Variants in COL23A1 observed in about 807,000 individuals in gnomAD.
The protein encoded by COL23A1 is collagen alpha-1(XXIII) chain.
COL23A1 carries 97 observed loss-of-function variants against 99.3 expected under a neutral mutation model. That is an observed-to-expected ratio of 0.98 (90% CI 0.83 to 1.16). The LOEUF (loss-of-function observed/expected upper bound fraction) is 1.16, where lower values mean the gene tolerates loss of function less well. Ranked by LOEUF, COL23A1 falls within the 50% of genes most tolerant of loss-of-function variation. COL23A1 has a pLI of 0.00. For missense variants in COL23A1, 762 were observed against 757.4 expected (o/e 1.01, Z -0.07); for synonymous variants, 320 against 308.2 (o/e 1.04, Z -0.40).
intron 3 of COL23A1, among the ~76,000 whole-genome samples, chr5:178,303,620 G>T (rs1383643569): frequency 6.6e-6 from 1 of 152,228 alleles, no homozygotes; most frequent in African/African-American, 2.4e-5. Context: ...AAGGCTAGCA[G>T]CTGCGGAGAC....
chr5:178,453,315 C>T (rs556838859), intron 2 of COL23A1, among the ~76,000 whole-genome samples: 59 of 152,344 alleles, frequency 3.9e-4, no homozygotes, highest in African/African-American at 1.4e-3. Flanking sequence ...GCAGCCTACT[C>T]TAGCCCCGTG....
intron 2 of COL23A1, among the ~76,000 whole-genome samples, chr5:178,519,560 A>T (rs2128004208): frequency 6.6e-6 from 1 of 152,334 alleles, no homozygotes; most frequent in South Asian, 2.1e-4. Context: ...AGAAGCCAGA[A>T]ATCATGATTT....
chr5:178,508,218 C>T lies in COL23A1; in HGVS notation c.361+52464G>A, dbSNP rs905902028. Reference sequence around the variant, plus strand: ...GCCCTCATTTTGTTTGTATCTTTTCCATTTCTGTATTAAGACTCTATTCTT... The same window carrying T: ...GCCCTCATTTTGTTTGTATCTTTTCTATTTCTGTATTAAGACTCTATTCTT... On this transcript the variant is annotated intron_variant, in intron 2 of 28. Coordinates refer to ENST00000390654, the MANE Select transcript of COL23A1 (RefSeq NM_173465.4). 1.3e-5 allele frequency among the ~76,000 whole-genome samples: 2 copies of T among 152,034 alleles called. 1 individual carries two copies. Among genetic ancestry groups the T allele is most frequent in the Admixed American group, 1.3e-4 (2 of 15,256 alleles).
intron 1 of COL23A1, among the ~76,000 whole-genome samples, chr5:178,566,759 T>C (rs923993780): frequency 6.6e-6 from 1 of 151,734 alleles, no homozygotes; most frequent in Non-Finnish European, 1.5e-5. Flanking sequence ...AAGGTTGCAG[T>C]GAGCCAAGAT....
chr5:178,443,288 C>T lies in COL23A1; in HGVS notation c.361+117394G>A, dbSNP rs140217506. 5.3e-5 allele frequency among the ~76,000 whole-genome samples: 8 copies of T among 152,320 alleles called. No homozygotes were observed. In the East Asian group the frequency reaches 9.6e-4, roughly 18 times the overall value. On this transcript the variant is annotated intron_variant, in intron 2 of 28. Coordinates refer to ENST00000390654, the MANE Select transcript of COL23A1 (RefSeq NM_173465.4). ...CAGAGCCTCGAGCGCTCTTCCTAAC[C>T]GGATCCGAACGACTTCTACTCTGGA...
chr5:178,324,406 T>A (rs924681975), intron 2 of COL23A1, among the ~76,000 whole-genome samples: 5 of 152,114 alleles, frequency 3.3e-5, no homozygotes, highest in African/African-American at 1.2e-4. Context: ...ATGGCTGGAG[T>A]CAAGTTGTGA....
chr5:178,373,806 T>C (rs1762925898), intron 2 of COL23A1, among the ~76,000 whole-genome samples: 1 of 152,156 alleles, frequency 6.6e-6, no homozygotes, highest in South Asian at 2.1e-4. Flanking sequence ...TTTCCTCCCA[T>C]CCTCGTCCCA....
chr5:178,354,571 C>A (rs1353967165), intron 2 of COL23A1, among the ~76,000 whole-genome samples: 1 of 152,056 alleles, frequency 6.6e-6, no homozygotes, highest in African/African-American at 2.4e-5. Flanking sequence ...TGACTGAGTT[C>A]TCGTGCGATC....
chr5:178,498,319 AG>A (rs1758344556), intron 2 of COL23A1, among the ~76,000 whole-genome samples: 1 of 148,452 alleles, frequency 6.7e-6, no homozygotes, highest in Non-Finnish European at 1.5e-5. Flanking sequence ...TTACCTTTAA[AG>A]GCATGACTAT....
chr5:178,420,393 CCCTCCCCTCCCTG>C (rs1765548026), intron 2 of COL23A1, among the ~76,000 whole-genome samples: 2 of 101,060 alleles, frequency 2.0e-5, no homozygotes, highest in African/African-American at 4.4e-5. Flanking sequence ...CCCCCTTTCC[CCCTCCCCTCCCTG>C]AGATGTGACC....
intron 5 of COL23A1, among the ~76,000 whole-genome samples, chr5:178,273,655 A>G (rs940005438): frequency 6.6e-6 from 1 of 152,340 alleles, no homozygotes; most frequent in South Asian, 2.1e-4. Flanking sequence ...AAACTGACAC[A>G]GCAGACGGGG....
intron 3 of COL23A1, among the ~76,000 whole-genome samples, chr5:178,296,912 C>T (rs999226831): frequency 5.9e-5 from 9 of 152,182 alleles, no homozygotes; most frequent in Admixed American, 1.3e-4. Context: ...CCTCCTAATC[C>T]GACTCCTCCT....
Position 178,416,850 on chromosome 5 carries a change from G to A in COL23A1, c.362-109931C>T, listed in dbSNP as rs1451834379. On this transcript the variant is annotated intron_variant, in intron 2 of 28. Transcript: ENST00000390654. ...CATTCTCAGATGGAGAGCATAGCAG[G>A]GAGGAGCTGAGGGTGAGGGCAGGCT... Among the ~76,000 whole-genome samples, 6 of 146,246 alleles carry A rather than the reference G, an allele frequency of 4.1e-5. No individual in the cohort carries two copies. In the South Asian group the frequency reaches 6.8e-4, roughly 17 times the overall value.
intron 13 of COL23A1, among the ~76,000 whole-genome samples, chr5:178,257,204 T>C (rs925730165): frequency 2.0e-5 from 3 of 152,000 alleles, no homozygotes; most frequent in African/African-American, 7.3e-5. Flanking sequence ...TGGCCAGGAT[T>C]TGGTGGCTGT....
intron 1 of COL23A1, among the ~76,000 whole-genome samples, chr5:178,586,114 GA>G (rs1763992401): frequency 6.6e-6 from 1 of 152,240 alleles, no homozygotes; most frequent in Non-Finnish European, 1.5e-5. Context: ...GAGAACGGCA[GA>G]GACTGAGTGG....
intron 2 of COL23A1, among the ~76,000 whole-genome samples, chr5:178,501,737 G>A (rs1758547217): frequency 6.6e-6 from 1 of 152,218 alleles, no homozygotes; most frequent in South Asian, 2.1e-4. Flanking sequence ...CCTCAGACAA[G>A]GTTAAGTAGG....
chr5:178,256,259 G>C, intron 15 of COL23A1, 94 bp downstream of exon 15: 1 of 827,370 alleles, frequency 1.2e-6, no homozygotes, highest in Non-Finnish European at 1.7e-6. Flanking sequence ...TAGCTCCACT[G>C]CTCCTCTGGG....
intron 2 of COL23A1, chr5:178,351,998 G>A (rs893110240): frequency 1.3e-5 from 2 of 152,238 alleles, no homozygotes; most frequent in African/African-American, 4.8e-5. Flanking sequence ...GGTCTTGGAT[G>A]TCCAGCCTCC....
chr5:178,243,404 T>A (rs1764512549), intron 25 of COL23A1, among the ~76,000 whole-genome samples: 1 of 144,684 alleles, frequency 6.9e-6, no homozygotes, highest in Admixed American at 6.9e-5. Context: ...GGAGAATCGC[T>A]TGAACCCGGG....
Sources: allele counts gnomAD v4.1 joint callset (sites outside exome capture counted in the v4.1 genomes callset), GRCh38; gene constraint gnomAD v4.1.1; transcripts MANE v1.5; gene names NCBI Gene and HGNC (gene_info 2026-07-23, HGNC 2026-07-21).